Variants in CDKL2 observed in about 807,000 individuals in gnomAD.
CDKL2 encodes the protein cyclin-dependent kinase-like 2.
Under a neutral mutation model 63.9 loss-of-function variants are expected in CDKL2, and 64 were observed. That is an observed-to-expected ratio of 1.00 (90% CI 0.82 to 1.23). CDKL2 has a LOEUF of 1.23. Among genes scored for constraint, CDKL2 ranks in the 50% most tolerant of loss-of-function variants. The pLI, the probability that CDKL2 is intolerant of heterozygous loss-of-function variation, is 0.00. For missense variants in CDKL2, 656 were observed against 668.0 expected (o/e 0.98, Z 0.20); for synonymous variants, 211 against 229.2 (o/e 0.92, Z 0.72).
At chr4:75,617,751 A>G (rs1013933942) in intron 2 of CDKL2, among the ~76,000 whole-genome samples, 4 of 152,302 alleles carry the variant, frequency 2.6e-5, no homozygotes, top group African/African-American at 9.6e-5. Context: ...TCTCTACTCT[A>G]TGTCAAGTCC....
At position 75,603,820 on chromosome 4, in the gene CDKL2, T is replaced by G; in HGVS notation, c.792A>C (p.Ala264=). The G allele has an allele frequency of 6.2e-7, 1 of 1,601,252 alleles. No individual in the cohort carries two copies. Among genetic ancestry groups the G allele is most frequent in the East Asian group, 2.2e-5 (1 of 44,746 alleles). Residue 264 remains alanine (A), a synonymous_variant, in exon 6 of 14, where the codon GCA becomes GCC. Transcript: ENST00000307465. ...PKLSEVVIDL[A]KKCLHIDPDK... is the part of the protein sequence containing the mutation. ...TGTAAACAATAAGTATGATTACCTT[T>G]GCTAAATCTATCACCACTTCAGAGA...
chr4:75,629,015 T>C (rs1311560543), intron 1 of CDKL2, among the ~76,000 whole-genome samples: 2 of 152,166 alleles, frequency 1.3e-5, no homozygotes, highest in African/African-American at 4.8e-5. Flanking sequence ...GACACTAACT[T>C]TCCATGCATT....
At chr4:75,612,002 G>A (rs907337704) in intron 3 of CDKL2, among the ~76,000 whole-genome samples, 5 of 145,696 alleles carry the variant, frequency 3.4e-5, no homozygotes, top group Middle Eastern at 8.1e-3. Flanking sequence ...ACAGAGTCTC[G>A]CCATGTTGCC....
At position 75,604,026 on chromosome 4, in the gene CDKL2, G is replaced by A. The variant is rs1729318810; in HGVS notation, c.656-70C>T. The A allele has an allele frequency of 9.1e-6, 13 of 1,421,758 alleles. No homozygotes were observed. In the African/African-American group the frequency reaches 1.1e-4, roughly 12 times the overall value. 88.1% of individuals were successfully genotyped at this position (1,421,758 alleles called of 1,614,324 possible). A position where few individuals can be genotyped will look rare whatever the true frequency, so the allele number is the denominator to read the frequency against. ...TAGAAATGGTGAAGAGACAGGTGGT[G>A]TGAAGTAGAGGAAATAGTGGAACAC... is the stretch of plus-strand genomic sequence containing the variant. On this transcript the variant is annotated intron_variant, in intron 5 of 13. Transcript: ENST00000307465.
rs753005828 is a variant in CDKL2, at chr4:75,625,909, C to G, written c.80G>C (p.Gly27Ala). The G allele has an allele frequency of 6.8e-6, 11 of 1,612,820 alleles. No individual in the cohort carries two copies. The South Asian group carries it at 1.1e-4, about 16-fold the overall frequency. ...GAACTTCTTTATGGCCACAATTCTT[C>G]CAGTATCTTTATTCCTACACTTCAT... ...MVMKCRNKDTGRIVAIKKFLE... is the reference protein window; with the variant it reads ...MVMKCRNKDTARIVAIKKFLE... The change falls in exon 2 of 14, where the codon GGA becomes GCA. Residue 27 changes from glycine (G) to alanine (A), a missense_variant. Coordinates refer to ENST00000307465, the MANE Select transcript of CDKL2 (RefSeq NM_001330724.2).
In CDKL2 at chr4:75,596,296, G is replaced by A. The variant is rs760712513; in HGVS notation, c.1367C>T (p.Pro456Leu). ...AATGCCTGATGGGGAATGTCTGTTC[G>A]GTTTAACAAATGGAATAGAACACTT... ...TKKCSIPFVKPNRHSPSGIYN... is the reference protein window; with the variant it reads ...TKKCSIPFVKLNRHSPSGIYN... The change falls in exon 10 of 14, where the codon CCG becomes CTG. Residue 456 changes from proline (P) to leucine (L), a missense_variant. Pro to Leu is a moderately conservative substitution (Grantham distance 98). Transcript: ENST00000307465. 64 of 1,612,134 alleles carry A rather than the reference G, an allele frequency of 4.0e-5. No individual in the cohort carries two copies. Among genetic ancestry groups the A allele is most frequent in the East Asian group, 8.9e-5 (4 of 44,840 alleles).
intron 2 of CDKL2, among the ~76,000 whole-genome samples, chr4:75,615,608 T>C (rs1323202694): frequency 1.3e-5 from 2 of 152,226 alleles, no homozygotes; most frequent in Non-Finnish European, 2.9e-5. Flanking sequence ...CTAAATCTTA[T>C]ACAAATGTGG....
intron 7 of CDKL2, among the ~76,000 whole-genome samples, chr4:75,599,564 A>G (rs993768690): frequency 1.3e-5 from 2 of 151,040 alleles, no homozygotes; most frequent in Non-Finnish European, 3.0e-5. Context: ...AAAAAAAAAA[A>G]AAAAAAGAAA....
At chr4:75,627,180 G>C (rs1306585339) in intron 1 of CDKL2, among the ~76,000 whole-genome samples, 1 of 150,768 alleles carries the variant, frequency 6.6e-6, no homozygotes, top group Non-Finnish European at 1.5e-5. Context: ...TCCAGCCTGG[G>C]TGACAGAGTG....
At chr4:75,614,612 G>A (rs1282115866) in intron 2 of CDKL2, among the ~76,000 whole-genome samples, 163 bp from the exon 3 acceptor site, 1 of 152,006 alleles carries the variant, frequency 6.6e-6, no homozygotes, top group East Asian at 1.9e-4. Context: ...GCATATTCTG[G>A]TTTTTAAACT....
chr4:75,608,572 T>TA (rs1480320291), intron 3 of CDKL2, among the ~76,000 whole-genome samples: 1 of 152,082 alleles, frequency 6.6e-6, no homozygotes, highest in Non-Finnish European at 1.5e-5. Flanking sequence ...ATAAATGAGC[T>TA]AAATCAGAGA....
intron 7 of CDKL2, 125 bp downstream of exon 7, chr4:75,600,156 T>C: frequency 1.6e-6 from 1 of 612,788 alleles, no homozygotes; most frequent in Non-Finnish European, 2.9e-6. Flanking sequence ...GGGGGTAGAG[T>C]GGTAGATATC....
chr4:75,587,983 G>A (rs934643691), intron 12 of CDKL2, among the ~76,000 whole-genome samples: 1 of 151,446 alleles, frequency 6.6e-6, no homozygotes, highest in Non-Finnish European at 1.5e-5. Context: ...GGGAGGCCAA[G>A]GCAGGCGGAT....
At chr4:75,594,666 G>A (rs989244701) in intron 10 of CDKL2, among the ~76,000 whole-genome samples, 1 of 152,120 alleles carries the variant, frequency 6.6e-6, no homozygotes, top group African/African-American at 2.4e-5. Context: ...TGAGTTACAA[G>A]ACTTCACAGT....
chr4:75,614,449 G>T lies in CDKL2; in HGVS notation c.169C>A (p.Gln57Lys). ...IAMREIKLLK[Q>K]LRHENLVNLL... ...TTCACCAAGTTTTCATGCCTAAGTT[G>T]CTGTTATTAAAAAATGCAAAATAGC... The change falls in exon 3 of 14, where the codon CAA (glutamine) becomes AAA (lysine). Residue 57 changes from glutamine (Q) to lysine (K), a missense_variant and splice_region_variant. By Grantham distance (53) the Gln-to-Lys change is moderately conservative (BLOSUM62 1). Coordinates refer to ENST00000307465, the MANE Select transcript of CDKL2 (RefSeq NM_001330724.2). The T allele has an allele frequency of 3.3e-6, 5 of 1,532,208 alleles. No individual in the cohort carries two copies. Among genetic ancestry groups the T allele is most frequent in the African/African-American group, 1.4e-5 (1 of 71,984 alleles). 94.9% of individuals were successfully genotyped at this position (1,532,208 alleles called of 1,614,324 possible). A position where few individuals can be genotyped will look rare whatever the true frequency, so the allele number is the denominator to read the frequency against.
intron 8 of CDKL2, 52 bp downstream of exon 8, chr4:75,598,025 A>C (rs1288718095): frequency 2.4e-5 from 29 of 1,199,012 alleles, no homozygotes; most frequent in Non-Finnish European, 3.1e-5. Flanking sequence ...TTTCTCAAAA[A>C]ATTTAAAAAA....
At chr4:75,610,859 G>A (rs929978401) in intron 3 of CDKL2, among the ~76,000 whole-genome samples, 1 of 152,178 alleles carries the variant, frequency 6.6e-6, no homozygotes, top group Admixed American at 6.6e-5. Context: ...ATATCTGTGT[G>A]TTTTATTCCA....
chr4:75,622,360 TA>T (rs1474604775), intron 2 of CDKL2, among the ~76,000 whole-genome samples: 1 of 151,862 alleles, frequency 6.6e-6, no homozygotes, highest in Non-Finnish European at 1.5e-5. Flanking sequence ...GAGAAAGGAT[TA>T]AAAAGTATAT....
chr4:75,591,713 C>A (rs1358285979), intron 12 of CDKL2, 106 bp downstream of exon 12: 5 of 684,294 alleles, frequency 7.3e-6, no homozygotes, highest in South Asian at 2.2e-5. Context: ...TAGATCCCAC[C>A]AATAAACCTG....
Sources: allele counts gnomAD v4.1 joint callset (sites outside exome capture counted in the v4.1 genomes callset), GRCh38; gene constraint gnomAD v4.1.1; transcripts MANE v1.5; gene names NCBI Gene and HGNC (gene_info 2026-07-23, HGNC 2026-07-21).